IFT74: variants seen among roughly 807,000 people sequenced by gnomAD.
IFT74 encodes intraflagellar transport 74, also known as intraflagellar transport protein 74 homolog.
Under a neutral mutation model 96.7 loss-of-function variants are expected in IFT74, and 92 were observed. The ratio of observed to expected loss-of-function variants is 0.95; its 90% CI spans 0.80 to 1.13. The LOEUF is 1.13. Ranked by LOEUF, IFT74 falls within the 50% of genes most tolerant of loss-of-function variation. The pLI, the probability that IFT74 is intolerant of heterozygous loss-of-function variation, is 0.00. For synonymous variants in IFT74, 223 were observed against 213.2 expected (o/e 1.05, Z -0.40); for missense variants, 811 against 698.2 (o/e 1.16, Z -1.82).
At chr9:26,983,508 G>A (rs1827478722) in intron 4 of IFT74, among the ~76,000 whole-genome samples, 1 of 152,096 alleles carries the variant, frequency 6.6e-6, no homozygotes, top group African/African-American at 2.4e-5. Context: ...CAGGATGCTG[G>A]TAAACATCCT....
intron 18 of IFT74, among the ~76,000 whole-genome samples, chr9:27,058,496 C>T (rs553202217): frequency 6.6e-6 from 1 of 152,266 alleles, no homozygotes; most frequent in South Asian, 2.1e-4. Context: ...AGCAATTCTC[C>T]TGCCTCAGCC....
chr9:27,055,919 G>A (rs1312406638), intron 17 of IFT74, 147 bp downstream of exon 17: 1 of 585,016 alleles, frequency 1.7e-6, no homozygotes, highest in Non-Finnish European at 2.7e-6. Flanking sequence ...GTTTACATAT[G>A]TAGTTGGAAT....
rs1826659268 is a variant in IFT74, at chr9:26,967,120, T to C, written c.120+5033T>C. 1.3e-5 allele frequency among the ~76,000 whole-genome samples: 2 copies of C among 151,962 alleles called. 1 individual carries two copies. Among genetic ancestry groups the C allele is most frequent in the South Asian group, 4.1e-4 (2 of 4,824 alleles). ...CTATATAAATTTTAGGATTTTTTTT[T>C]CTATTTTTGAGAAGAATGTCATTGA... On this transcript the variant is annotated intron_variant, in intron 2 of 19. Transcript: ENST00000380062.
At chr9:26,998,233 T>A in intron 8 of IFT74, 1 of 1,451,804 alleles carries the variant, frequency 6.9e-7, no homozygotes, top group Non-Finnish European at 9.2e-7. Flanking sequence ...TAAAATTACA[T>A]TGGACTTCCT....
Position 27,047,523 on chromosome 9 carries a change from A to T in IFT74, c.1206+152A>T, listed in dbSNP as rs1215262938. 4 of 543,576 alleles carry T rather than the reference A, an allele frequency of 7.4e-6. No homozygotes were observed. The East Asian group carries it at 1.3e-4, about 18-fold the overall frequency. The allele number at this position is 543,576 out of a possible 1,614,324, so 33.7% of individuals were successfully genotyped here. A position where few individuals can be genotyped will look rare whatever the true frequency, so the allele number is the denominator to read the frequency against. On this transcript the variant is annotated intron_variant, in intron 15 of 19. Coordinates refer to ENST00000380062, the MANE Select transcript of IFT74 (RefSeq NM_025103.4). ...TTACTTGTTACTATTTATTTCAGCT[A>T]TTAACTTTTTTATCACTCTAGCAAA...
intron 12 of IFT74, 158 bp from the exon 13 acceptor site, chr9:27,028,867 C>G (rs1829991451): frequency 1.7e-6 from 1 of 572,362 alleles, no homozygotes; most frequent in Admixed American, 4.0e-5. Context: ...AAAAGATATC[C>G]TAATGTCATC....
In IFT74 at chr9:27,031,972, A is replaced by G. The variant is rs116696670; in HGVS notation, c.1054+2868A>G. On this transcript the variant is annotated intron_variant, in intron 13 of 19. Coordinates refer to ENST00000380062, the MANE Select transcript of IFT74 (RefSeq NM_025103.4). ...AGCAGTCTTTCTGCCTTGGCCTCCT[A>G]AAGTGTGGGGATTACAGGTGTGAGC... 3.4e-3 allele frequency among the ~76,000 whole-genome samples: 517 copies of G among 152,068 alleles called. 4 individuals carry two copies. The highest frequency in any genetic ancestry group is 0.012 in the African/African-American group (498 of 41,480).
chr9:27,037,093 A>T (rs10812516), intron 13 of IFT74, among the ~76,000 whole-genome samples: 1 of 151,606 alleles, frequency 6.6e-6, no homozygotes, highest in Admixed American at 6.6e-5. Context: ...GGTGGTGGGC[A>T]CCTGTAATCC....
Position 26,988,597 on chromosome 9 carries a change from T to C in IFT74, c.466-72T>C, listed in dbSNP as rs572929901. 11 of 1,297,998 alleles carry C rather than the reference T, an allele frequency of 8.5e-6. No homozygotes were observed. In the African/African-American group the frequency reaches 1.7e-4, roughly 20 times the overall value. 80.4% of individuals were successfully genotyped at this position (1,297,998 alleles called of 1,614,324 possible). A position where few individuals can be genotyped will look rare whatever the true frequency, so the allele number is the denominator to read the frequency against. ...CATTATTTGTAAGACTGAATACCTA[T>C]ATTATTAATTATAGAGAACATGTGT... On this transcript the variant is annotated intron_variant, in intron 6 of 19. Transcript: ENST00000380062.
Position 27,009,042 on chromosome 9 carries a change from G to T in IFT74, c.610G>T (p.Val204Phe), listed in dbSNP as rs750215277. ...TAGGAAAGAAAAACAAATCAGAAGT[G>T]TCGAAGAAGAAATTGAACAGGAAAA... The part of the protein sequence containing the change: ...RQAKEKQIRS[V>F]EEEIEQEKQA... Residue 204 changes from valine (V) to phenylalanine (F), a missense_variant, in exon 9 of 20, where the codon GTC becomes TTC. Physicochemically the swap from Val to Phe is conservative, Grantham distance 50 (BLOSUM62 -1). Coordinates refer to ENST00000380062, the MANE Select transcript of IFT74 (RefSeq NM_025103.4). The T allele has an allele frequency of 6.2e-7, 1 of 1,612,908 alleles. No individual in the cohort carries two copies. The highest frequency in any genetic ancestry group is 8.5e-7 in the Non-Finnish European group (1 of 1,179,318).
At chr9:26,976,890 T>C in intron 2 of IFT74, 1 of 423,188 alleles carries the variant, frequency 2.4e-6, no homozygotes, top group Non-Finnish European at 4.7e-6. Flanking sequence ...TGTTGAGTAA[T>C]AATATGAATG....
intron 13 of IFT74, 56 bp downstream of exon 13, chr9:27,029,160 T>C (rs564062962): frequency 1.3e-4 from 173 of 1,341,746 alleles, no homozygotes; most frequent in African/African-American, 9.8e-4. Flanking sequence ...AGTATTAATA[T>C]AGTGTTAACT....
intron 14 of IFT74, among the ~76,000 whole-genome samples, 171 bp from the exon 15 acceptor site, chr9:27,047,103 T>C (rs1030986808): frequency 1.3e-5 from 2 of 152,102 alleles, no homozygotes; most frequent in African/African-American, 4.8e-5. Flanking sequence ...AACCCAGAGG[T>C]GGAGGTTGCA....
intron 12 of IFT74, among the ~76,000 whole-genome samples, chr9:27,022,207 A>G (rs1040268934): frequency 1.3e-5 from 2 of 152,108 alleles, no homozygotes; most frequent in Admixed American, 6.6e-5. Flanking sequence ...TTTTATGCCA[A>G]TACAATACTG....
At chr9:27,004,835 C>G (rs745630007) in intron 8 of IFT74, among the ~76,000 whole-genome samples, 1 of 151,636 alleles carries the variant, frequency 6.6e-6, no homozygotes, top group Non-Finnish European at 1.5e-5. Context: ...TTTTACCTAG[C>G]ATATGATCTA....
chr9:27,059,578 T>C (rs987454031), intron 18 of IFT74, among the ~76,000 whole-genome samples: 1 of 152,230 alleles, frequency 6.6e-6, no homozygotes, highest in African/African-American at 2.4e-5. Flanking sequence ...TGCCAGAAAC[T>C]GCTGACTGCT....
At chr9:26,981,619 C>T (rs1173455515) in intron 4 of IFT74, among the ~76,000 whole-genome samples, 1 of 152,070 alleles carries the variant, frequency 6.6e-6, no homozygotes, top group Non-Finnish European at 1.5e-5. Context: ...GGCATTTCAC[C>T]ATGTCAGCCA....
intron 12 of IFT74, among the ~76,000 whole-genome samples, chr9:27,020,668 G>A (rs1273465644): frequency 1.3e-5 from 2 of 151,922 alleles, no homozygotes; most frequent in Non-Finnish European, 2.9e-5. Context: ...TAGAGACGGG[G>A]TTTCACTGTG....
intron 10 of IFT74, among the ~76,000 whole-genome samples, chr9:27,016,073 T>A (rs750480456): frequency 6.6e-6 from 1 of 152,186 alleles, no homozygotes; most frequent in Non-Finnish European, 1.5e-5. Context: ...TAATAGAATA[T>A]CACAAACTGG....
Sources: allele counts gnomAD v4.1 joint callset (sites outside exome capture counted in the v4.1 genomes callset), GRCh38; gene constraint gnomAD v4.1.1; transcripts MANE v1.5; gene names NCBI Gene and HGNC (gene_info 2026-07-23, HGNC 2026-07-21).